The following GRM8 variants were observed in gnomAD, a reference collection of about 807,000 sequenced individuals.
GRM8 encodes metabotropic glutamate receptor 8.
Under a neutral mutation model 87.2 loss-of-function variants are expected in GRM8, and 47 were observed. The observed-to-expected ratio is 0.54, with a 90% CI of 0.43 to 0.69. The LOEUF is 0.69. Ranked by LOEUF, GRM8 falls within the 30% of genes least tolerant of loss-of-function variation. GRM8 has a pLI of 0.00. For missense variants in GRM8, 1,019 were observed against 1,139.2 expected (o/e 0.89, Z 1.52); for synonymous variants, 396 against 404.5 (o/e 0.98, Z 0.25).
intron 6 of GRM8, among the ~76,000 whole-genome samples, chr7:126,881,696 C>T (rs972278878): frequency 2.6e-5 from 4 of 152,170 alleles, no homozygotes; most frequent in African/African-American, 9.7e-5. Flanking sequence ...CCACAGACCT[C>T]ACTCTATGTG....
At chr7:127,140,687 G>A (rs1409292984) in intron 2 of GRM8, among the ~76,000 whole-genome samples, 1 of 151,906 alleles carries the variant, frequency 6.6e-6, no homozygotes, top group Non-Finnish European at 1.5e-5. Context: ...CCAGCTTTAG[G>A]GTCACCTCCA....
At chr7:126,987,736 T>A (rs1173679650) in intron 3 of GRM8, among the ~76,000 whole-genome samples, 1 of 152,192 alleles carries the variant, frequency 6.6e-6, no homozygotes, top group East Asian at 1.9e-4. Flanking sequence ...GTGCTGGGAT[T>A]ACAGGCGTGA....
chr7:126,866,502 A>C, intron 6 of GRM8, among the ~76,000 whole-genome samples: 1 of 150,584 alleles, frequency 6.6e-6, no homozygotes, highest in Non-Finnish European at 1.5e-5. Context: ...ATCCAACATC[A>C]CAAAGATTTA....
intron 6 of GRM8, among the ~76,000 whole-genome samples, chr7:126,830,665 G>A (rs575050867): frequency 7.2e-5 from 11 of 152,218 alleles, no homozygotes; most frequent in Admixed American, 2.0e-4. Flanking sequence ...CCTGTAGCTC[G>A]GAGTAGTTTG....
At chr7:126,569,273 T>C (rs1021217973) in intron 8 of GRM8, among the ~76,000 whole-genome samples, 1 of 152,138 alleles carries the variant, frequency 6.6e-6, no homozygotes, top group African/African-American at 2.4e-5. Context: ...CAAGCCAATG[T>C]TTCTCTAATT....
intron 2 of GRM8, among the ~76,000 whole-genome samples, chr7:127,216,273 C>T (rs1436665880): frequency 1.3e-5 from 2 of 151,958 alleles, no homozygotes; most frequent in Non-Finnish European, 2.9e-5. Flanking sequence ...AATCTCAGCA[C>T]TTTGGGAGGC....
intron 9 of GRM8, among the ~76,000 whole-genome samples, chr7:126,477,472 A>G (rs1294408952): frequency 6.6e-6 from 1 of 152,042 alleles, no homozygotes; most frequent in Non-Finnish European, 1.5e-5. Flanking sequence ...GTATACATGT[A>G]TGAAATCATC....
At chr7:126,455,758 T>C (rs1584668034) in intron 9 of GRM8, among the ~76,000 whole-genome samples, 1 of 151,788 alleles carries the variant, frequency 6.6e-6, no homozygotes, top group East Asian at 2.0e-4. Context: ...GCAGAAGACA[T>C]TGCTGCATAG....
chr7:126,974,867 C>T (rs1395367292), intron 3 of GRM8, among the ~76,000 whole-genome samples: 6 of 131,896 alleles, frequency 4.5e-5, no homozygotes, highest in Non-Finnish European at 9.3e-5. Flanking sequence ...ACTCGGGAGG[C>T]GGAGCTTGCA....
intron 3 of GRM8, among the ~76,000 whole-genome samples, chr7:126,945,505 CA>C (rs34146662): frequency 2.6e-5 from 4 of 152,118 alleles, no homozygotes; most frequent in Non-Finnish European, 4.4e-5. Flanking sequence ...AGGTTGCAGT[CA>C]AAACACAGTC....
chr7:126,763,774 A>G (rs1817884464), intron 7 of GRM8, among the ~76,000 whole-genome samples: 1 of 151,852 alleles, frequency 6.6e-6, no homozygotes, highest in Non-Finnish European at 1.5e-5. Flanking sequence ...AATACTATTA[A>G]AATTCCAGAA....
intron 2 of GRM8, among the ~76,000 whole-genome samples, chr7:127,234,134 A>G (rs1720552205): frequency 6.6e-6 from 1 of 152,254 alleles, no homozygotes; most frequent in South Asian, 2.1e-4. Flanking sequence ...ATCTCATTGC[A>G]TAATGGAAAT....
Position 127,078,989 on chromosome 7 carries a change from T to C in GRM8, c.727+27507A>G, listed in dbSNP as rs188161875. ...AAATAGGAAATTTCAACTTAACACT[T>C]CTAATCAATAATTTTGATCTCATCT... is the stretch of plus-strand genomic sequence containing the variant. On this transcript the variant is annotated intron_variant, in intron 3 of 10. Coordinates refer to ENST00000339582, the MANE Select transcript of GRM8 (RefSeq NM_000845.3). Among the ~76,000 whole-genome samples, 11 of 152,320 alleles carry C rather than the reference T, an allele frequency of 7.2e-5. No individual in the cohort carries two copies. The East Asian group carries it at 2.1e-3, about 29-fold the overall frequency.
At chr7:126,706,481 T>C (rs894193883) in intron 7 of GRM8, among the ~76,000 whole-genome samples, 3 of 152,118 alleles carry the variant, frequency 2.0e-5, no homozygotes, top group Non-Finnish European at 4.4e-5. Context: ...AAATCTTTCC[T>C]TGGAGAAGGT....
chr7:127,193,566 T>C (rs1016774950), intron 2 of GRM8, among the ~76,000 whole-genome samples: 3 of 152,204 alleles, frequency 2.0e-5, no homozygotes, highest in Non-Finnish European at 4.4e-5. Flanking sequence ...AAGACTCCCA[T>C]GGCATTTCAA....
intron 3 of GRM8, among the ~76,000 whole-genome samples, chr7:126,918,928 A>C (rs1267870876): frequency 6.6e-6 from 1 of 152,150 alleles, no homozygotes; most frequent in Non-Finnish European, 1.5e-5. Context: ...AAAGGATAAC[A>C]ATTTGTTACT....
chr7:126,935,254 G>A (rs1270385347), intron 3 of GRM8, among the ~76,000 whole-genome samples: 1 of 111,578 alleles, frequency 9.0e-6, no homozygotes, highest in East Asian at 2.5e-4. Context: ...GGTACCTAGG[G>A]CTTTAGGTTG....
rs147314111 is a variant in GRM8 at position 126,709,227 on chromosome 7, T to A, written c.1357+60638A>T. Reference sequence around the variant, plus strand: ...AGAGAAATGCAAATTAAAACTGCAATGAAATATCACCTCACACCTATTAAG... The same window carrying A: ...AGAGAAATGCAAATTAAAACTGCAAAGAAATATCACCTCACACCTATTAAG... On this transcript the variant is annotated intron_variant, in intron 7 of 10. Coordinates refer to ENST00000339582, the MANE Select transcript of GRM8 (RefSeq NM_000845.3). 2.0e-5 allele frequency among the ~76,000 whole-genome samples: 3 copies of A among 152,136 alleles called. No homozygotes were observed. In the South Asian group the frequency reaches 6.2e-4, roughly 32 times the overall value.
At chr7:126,979,555 G>T (rs545070204) in intron 3 of GRM8, among the ~76,000 whole-genome samples, 1 of 152,098 alleles carries the variant, frequency 6.6e-6, no homozygotes, top group Non-Finnish European at 1.5e-5. Flanking sequence ...TGCAATTATC[G>T]TTCATGTGGT....
Sources: gnomAD v4.1 joint callset for allele counts (sites outside exome capture counted in the v4.1 genomes callset) on GRCh38, gnomAD v4.1.1 for gene constraint, MANE v1.5 for transcripts, NCBI Gene and HGNC (gene_info 2026-07-23, HGNC 2026-07-21) for gene names.